ALOX15: variants seen among roughly 807,000 people sequenced by gnomAD.
The protein encoded by ALOX15 is arachidonate 15-lipoxygenase.
ALOX15 carries 68 observed loss-of-function variants against 71.7 expected under a neutral mutation model. That is an observed-to-expected ratio of 0.95 (90% CI 0.78 to 1.16). The LOEUF (loss-of-function observed/expected upper bound fraction) is 1.16. Among genes scored for constraint, ALOX15 ranks in the 50% most tolerant of loss-of-function variants. The probability of loss-of-function intolerance (pLI) is 0.00; values close to 1 mark genes in which losing one functional copy is unlikely to be tolerated. For synonymous variants in ALOX15, 346 were observed against 333.3 expected (o/e 1.04, Z -0.42); for missense variants, 798 against 818.8 (o/e 0.97, Z 0.31).
Position 4,631,555 on chromosome 17 carries a change from G to C in ALOX15, c.*45C>G, listed in dbSNP as rs762887378. On this transcript the variant is annotated 3_prime_UTR_variant, in exon 14 of 14. Coordinates refer to ENST00000293761, the MANE Select transcript of ALOX15 (RefSeq NM_001140.5). ...GCTATAACCACGAAGGGGTCAGCTTGTGGCTTGGGTGATGGGGGCTGAAAT... is the reference window on the plus strand; with the variant it reads ...GCTATAACCACGAAGGGGTCAGCTTCTGGCTTGGGTGATGGGGGCTGAAAT... The C allele has an allele frequency of 2.9e-5, 46 of 1,605,014 alleles. No homozygotes were observed. Among genetic ancestry groups the C allele is most frequent in the Non-Finnish European group, 3.7e-5 (44 of 1,177,024 alleles).
rs1361057143 is a variant in ALOX15 at position 4,631,787 on chromosome 17, G to T, written c.1810-8C>A. On this transcript the variant is annotated splice_polypyrimidine_tract_variant and splice_region_variant and intron_variant, in intron 13 of 13. Coordinates refer to ENST00000293761, the MANE Select transcript of ALOX15 (RefSeq NM_001140.5). ...ATGCTGGCCCACAGCCACCTGGGAG[G>T]GAGAGGAAAAGGTGGCTGAGAGCCT... is the stretch of plus-strand genomic sequence containing the variant. The T allele has an allele frequency of 3.1e-6, 5 of 1,613,690 alleles. No homozygotes were observed. Among genetic ancestry groups the T allele is most frequent in the Non-Finnish European group, 4.2e-6 (5 of 1,179,888 alleles).
chr17:4,640,711 C>G (rs1258681437), intron 1 of ALOX15, among the ~76,000 whole-genome samples: 8 of 151,022 alleles, frequency 5.3e-5, no homozygotes, highest in Admixed American at 4.6e-4. Context: ...CAGGGCTCCG[C>G]AGGTTCAAGA....
At chr17:4,640,911 T>A (rs1460032919) in intron 1 of ALOX15, among the ~76,000 whole-genome samples, 1 of 151,450 alleles carries the variant, frequency 6.6e-6, no homozygotes, top group Non-Finnish European at 1.5e-5. Flanking sequence ...CCGGGCATGT[T>A]GCTTTGACGT....
At chr17:4,638,159 T>C (rs1186003950) in intron 6 of ALOX15, 58 bp downstream of exon 6, 5 of 569,780 alleles carry the variant, frequency 8.8e-6, no homozygotes, top group South Asian at 6.1e-5. Flanking sequence ...AGCAGCATCA[T>C]TGGCACTAGG....
rs1910888786 is a variant in ALOX15 at position 4,631,372 on chromosome 17, GAGGA to G, written c.*224_*227del. On this transcript the variant is annotated 3_prime_UTR_variant, in exon 14 of 14. Transcript: ENST00000293761. The stretch of plus-strand genomic sequence containing the variant: ...CTGAATGAAGAAAGAGGAAGAGAGA[GAGGA>G]AGGAAGATAGGAAAGGAGGAAGGAA... The G allele has an allele frequency of 3.6e-6, 2 of 561,640 alleles. No homozygotes were observed. Among genetic ancestry groups the G allele is most frequent in the Non-Finnish European group, 6.3e-6 (2 of 318,722 alleles). 34.8% of individuals were successfully genotyped at this position (561,640 alleles called of 1,614,324 possible).
At chr17:4,632,410 T>C (rs1910945143) in intron 11 of ALOX15, 129 bp from the exon 12 acceptor site, 1 of 766,380 alleles carries the variant, frequency 1.3e-6, no homozygotes, top group African/African-American at 1.7e-5. Flanking sequence ...TTACAGGAAT[T>C]ACCATGACAG....
Position 4,631,603 on chromosome 17 carries a change from G to C in ALOX15, c.1986C>G (p.Ile662Met). ...AATAACCAAAGGGTGGCGACGCTTA[G>C]ATGGCCACACTGTTTTCCACCACGC... ...RPSVVENSVA[I>M] is the part of the protein sequence containing the mutation. The change falls in exon 14 of 14, where the codon ATC becomes ATG. Residue 662 changes from isoleucine to methionine, a missense_variant. Transcript: ENST00000293761. 6.2e-7 allele frequency: 1 copy of C among 1,612,940 alleles called. No individual in the cohort carries two copies. The highest frequency in any genetic ancestry group is 8.5e-7 in the Non-Finnish European group (1 of 1,179,980).
In ALOX15 at chr17:4,639,542, G is replaced by T; in HGVS notation, c.225C>A (p.Ala75=). The change falls in exon 2 of 14, where the codon GCC becomes GCA. Residue 75 remains alanine (A), a synonymous_variant. Transcript: ENST00000293761. Reference sequence around the variant, plus strand: ...GCACAGAGATCCAGTTGCAGAACCAGGCGTCGTCCTTAAGGAGGTGCCGTT... The same window carrying T: ...GCACAGAGATCCAGTTGCAGAACCATGCGTCGTCCTTAAGGAGGTGCCGTT... The part of the protein sequence containing the change: ...LRKRHLLKDD[A]WFCNWISVQG... The T allele has an allele frequency of 6.2e-7, 1 of 1,613,978 alleles. No homozygotes were observed.
chr17:4,631,474 G>T lies in ALOX15; in HGVS notation c.*126C>A, dbSNP rs1429698654. On this transcript the variant is annotated 3_prime_UTR_variant, in exon 14 of 14. Transcript: ENST00000293761. ...TCACTGGGTGCAGAGACCATGAAAA[G>T]GTGCCCCTCTAGGGAGGGTGGGACA... 5 of 1,154,194 alleles carry T rather than the reference G, an allele frequency of 4.3e-6. No individual in the cohort carries two copies. In the African/African-American group the frequency reaches 4.7e-5, roughly 11 times the overall value. 71.5% of individuals were successfully genotyped at this position (1,154,194 alleles called of 1,614,324 possible).
At chr17:4,634,448 G>A (rs145787452) in intron 8 of ALOX15, among the ~76,000 whole-genome samples, 69 of 151,600 alleles carry the variant, frequency 4.6e-4, no homozygotes, top group African/African-American at 1.0e-3. Context: ...GATTACAGGC[G>A]TGAACCACCG....
Position 4,632,253 on chromosome 17 carries a change from G to A in ALOX15, c.1569C>T (p.Asp523=), listed in dbSNP as rs1456497816. 4 of 1,614,196 alleles carry A rather than the reference G, an allele frequency of 2.5e-6. No individual in the cohort carries two copies. The highest frequency in any genetic ancestry group is 3.4e-6 in the Non-Finnish European group (4 of 1,180,028). ...ACATGGTGACAAAGTGGCAAACCTG[G>A]TCCCGAGCCTGTAAAGAGACAGGAA... The part of the protein sequence containing the change: ...RGFPVSLQAR[D]QVCHFVTMCI... Residue 523 remains aspartate, a synonymous_variant, in exon 12 of 14, where the codon GAC becomes GAT. Transcript: ENST00000293761.
In ALOX15 at chr17:4,633,245, G is replaced by A. The variant is rs779781592; in HGVS notation, c.1319C>T (p.Ser440Phe). 6.2e-7 allele frequency: 1 copy of A among 1,614,080 alleles called. No homozygotes were observed. The highest frequency in any genetic ancestry group is 1.3e-5 in the African/African-American group (1 of 74,910). ...KQAGAFLTYS[S>F]FCPPDDLADR... ...GGCCAAGTCATCAGGGGGACAGAAG[G>A]AGCTGTAGGTTAGGAAGGCTCCAGC... The change falls in exon 10 of 14, where the codon TCC becomes TTC. Residue 440 changes from serine (S) to phenylalanine (F), a missense_variant. Ser to Phe is a radical substitution (Grantham distance 155, BLOSUM62 -2). Coordinates refer to ENST00000293761, the MANE Select transcript of ALOX15 (RefSeq NM_001140.5).
At chr17:4,641,167 C>T (rs1184867220) in intron 1 of ALOX15, among the ~76,000 whole-genome samples, 1 of 151,304 alleles carries the variant, frequency 6.6e-6, no homozygotes, top group Non-Finnish European at 1.5e-5. Context: ...GATCCAACAG[C>T]GCTAGCGGTT....
At chr17:4,632,757 T>C (rs1406890018) in intron 11 of ALOX15, 104 bp downstream of exon 11, 20 of 1,558,068 alleles carry the variant, frequency 1.3e-5, no homozygotes, top group Admixed American at 3.5e-5. Context: ...GGAGTTCTCA[T>C]AGGTGTTGAA....
rs1474397796 is a variant in ALOX15 at position 4,637,261 on chromosome 17, G to A, written c.808-3C>T. The A allele has an allele frequency of 1.2e-6, 2 of 1,608,518 alleles. No homozygotes were observed. The highest frequency in any genetic ancestry group is 3.4e-5 in the Admixed American group (2 of 59,504). Reference sequence around the variant, plus strand: ...TCAGCTTCGAACAGTGTGCCTCCCTGGGTGGGGGAAGAGGTCAAGGGCTGC... The same window carrying A: ...TCAGCTTCGAACAGTGTGCCTCCCTAGGTGGGGGAAGAGGTCAAGGGCTGC... On this transcript the variant is annotated splice_polypyrimidine_tract_variant and splice_region_variant and intron_variant, in intron 6 of 13. Coordinates refer to ENST00000293761, the MANE Select transcript of ALOX15 (RefSeq NM_001140.5).
At chr17:4,636,946 C>T (rs1415475210) in intron 7 of ALOX15, among the ~76,000 whole-genome samples, 169 bp downstream of exon 7, 1 of 152,180 alleles carries the variant, frequency 6.6e-6, no homozygotes, top group Non-Finnish European at 1.5e-5. Context: ...GTCTGTCTCT[C>T]CAGCTACACT....
In ALOX15 at chr17:4,632,000, T is replaced by G; in HGVS notation, c.1698A>C (p.Pro566=). ...NAPCTMRLPP[P]TTKDATLETV... Reference sequence around the variant, plus strand: ...TCTCCAGCGTTGCATCCTTGGTGGTTGGCGGGGGCAGCCGCATCGTGCAGG... The same window carrying G: ...TCTCCAGCGTTGCATCCTTGGTGGTGGGCGGGGGCAGCCGCATCGTGCAGG... The change falls in exon 13 of 14, where the codon CCA becomes CCC. Residue 566 remains proline, a synonymous_variant. Transcript: ENST00000293761. 1 of 1,613,948 alleles carries G rather than the reference T, an allele frequency of 6.2e-7. No individual in the cohort carries two copies.
intron 1 of ALOX15, among the ~76,000 whole-genome samples, chr17:4,640,887 G>A (rs1258447236): frequency 5.3e-5 from 8 of 151,234 alleles, no homozygotes; most frequent in Admixed American, 2.0e-4. Flanking sequence ...GGTGGGGAGA[G>A]GGGAGGACCT....
At chr17:4,634,701 G>A (rs533256549) in intron 8 of ALOX15, among the ~76,000 whole-genome samples, 8 of 151,684 alleles carry the variant, frequency 5.3e-5, no homozygotes, top group Non-Finnish European at 8.8e-5. Context: ...AGATTTGGCC[G>A]GCCACGGTGG....
Sources: gnomAD v4.1 joint callset for allele counts (sites outside exome capture counted in the v4.1 genomes callset) on GRCh38, gnomAD v4.1.1 for gene constraint, MANE v1.5 for transcripts, NCBI Gene and HGNC (gene_info 2026-07-23, HGNC 2026-07-21) for gene names.